The following SVEP1 variants were observed in gnomAD, a reference collection of about 807,000 sequenced individuals.
SVEP1 encodes the protein sushi, von Willebrand factor type A, EGF and pentraxin domain-containing protein 1.
A neutral mutation model predicts 367.3 loss-of-function variants in SVEP1; 164 were observed. The observed-to-expected ratio is 0.45, with a 90% CI of 0.39 to 0.51. The LOEUF (loss-of-function observed/expected upper bound fraction) is 0.51. Ranked by LOEUF, SVEP1 falls within the 20% of genes least tolerant of loss-of-function variation. The probability of loss-of-function intolerance (pLI) is 0.00; values close to 1 mark genes in which losing one functional copy is unlikely to be tolerated. For synonymous variants in SVEP1, 1,666 were observed against 1,611.6 expected, an observed-to-expected ratio of 1.03 and a Z score of -0.81; for missense variants, 4,117 against 4,425.3, an observed-to-expected ratio of 0.93 and a Z score of 1.98.
chr9:110,397,625 G>A (rs1006587094), intron 40 of SVEP1, among the ~76,000 whole-genome samples: 3 of 152,008 alleles, frequency 2.0e-5, no homozygotes, highest in African/African-American at 7.3e-5. Flanking sequence ...CTCCTTAAGT[G>A]GATAAGCAAC....
chr9:110,570,947 A>G (rs1830554481), intron 1 of SVEP1, among the ~76,000 whole-genome samples: 1 of 149,312 alleles, frequency 6.7e-6, no homozygotes, highest in Non-Finnish European at 1.5e-5. Flanking sequence ...CCCTGGTTAG[A>G]CATATACTCT....
At chr9:110,375,341 A>G in intron 46 of SVEP1, 27 bp downstream of exon 46, 1 of 1,539,334 alleles carries the variant, frequency 6.5e-7, no homozygotes, top group Non-Finnish European at 8.8e-7. Context: ...TGAGCCACCA[A>G]GAAAACAAAC....
chr9:110,505,629 G>C (rs1329251876), intron 5 of SVEP1, among the ~76,000 whole-genome samples: 1 of 151,868 alleles, frequency 6.6e-6, no homozygotes, highest in Non-Finnish European at 1.5e-5. Context: ...AAAACTTCCA[G>C]CTCCTTTGAA....
In SVEP1 at chr9:110,447,030, T is replaced by A. The variant is rs376699537; in HGVS notation, c.4131A>T (p.Gly1377=). The A allele has an allele frequency of 1.3e-6, 2 of 1,533,162 alleles. No homozygotes were observed. Among genetic ancestry groups the A allele is most frequent in the African/African-American group, 2.8e-5 (2 of 72,610 alleles). The allele number at this position is 1,533,162 out of a possible 1,614,324, so 95.0% of individuals were successfully genotyped here. ...CATTGATGTTCAATTCACAGTGTGA[T>A]CCTGTGAAGCCAGCTGCACACAGGC... The part of the protein sequence containing the change: ...FRCLCAAGFT[G]SHCELNINEC... The change falls in exon 25 of 48, where the codon GGA becomes GGT. Residue 1377 remains glycine (G), a synonymous_variant. Coordinates refer to ENST00000374469, the MANE Select transcript of SVEP1 (RefSeq NM_153366.4).
chr9:110,561,758 A>G (rs1286896789), intron 1 of SVEP1, among the ~76,000 whole-genome samples: 1 of 152,218 alleles, frequency 6.6e-6, no homozygotes, highest in Non-Finnish European at 1.5e-5. Flanking sequence ...AAAAGCATAA[A>G]CTGGAAACAG....
rs538627418 is a variant in SVEP1, at chr9:110,411,102, A to G, written c.6609T>C (p.Ser2203=). The G allele has an allele frequency of 2.9e-5, 47 of 1,606,452 alleles. 1 individual carries two copies. In the South Asian group the frequency reaches 4.2e-4, roughly 14 times the overall value. ...TCTCAACCTTAGGTGGTTCACCACA[A>G]GATACCGGGTGGCACGTCGGTATAG... ...SSPIPTCHPV[S]CGEPPKVENG... is the part of the protein sequence containing the mutation. The change falls in exon 37 of 48, where the codon TCT becomes TCC. Residue 2203 remains serine (S), a synonymous_variant. Coordinates refer to ENST00000374469, the MANE Select transcript of SVEP1 (RefSeq NM_153366.4).
chr9:110,570,336 A>C (rs1420694553), intron 1 of SVEP1, among the ~76,000 whole-genome samples: 1 of 152,190 alleles, frequency 6.6e-6, no homozygotes, highest in Non-Finnish European at 1.5e-5. Flanking sequence ...AATTAACACT[A>C]AAGTATTAAT....
chr9:110,500,527 G>A (rs1829515634), intron 6 of SVEP1, among the ~76,000 whole-genome samples: 1 of 152,064 alleles, frequency 6.6e-6, no homozygotes, highest in African/African-American at 2.4e-5. Context: ...TCTGAGACTG[G>A]TTAGCATTCA....
intron 9 of SVEP1, among the ~76,000 whole-genome samples, chr9:110,489,321 G>A (rs1288830880): frequency 2.0e-5 from 3 of 152,124 alleles, no homozygotes; most frequent in Non-Finnish European, 4.4e-5. Flanking sequence ...AGACATACCC[G>A]AGACTGAGTA....
intron 42 of SVEP1, 70 bp downstream of exon 42, chr9:110,387,215 G>A (rs137911727): frequency 0.025 from 35,993 of 1,467,142 alleles, 534 homozygotes; most frequent in Non-Finnish European, 0.029. Flanking sequence ...CTTCCTCTAT[G>A]TTTTGGATAT....
chr9:110,529,785 T>C (rs566210152), intron 3 of SVEP1, among the ~76,000 whole-genome samples: 12 of 152,222 alleles, frequency 7.9e-5, no homozygotes, highest in African/African-American at 2.9e-4. Context: ...TTTAGAGTCT[T>C]TTAGGTATAA....
Position 110,441,608 on chromosome 9 carries a change from T to C in SVEP1, c.4639+1937A>G, listed in dbSNP as rs114917220. Among the ~76,000 whole-genome samples, 1,009 of 152,352 alleles carry C rather than the reference T, an allele frequency of 6.6e-3. 12 individuals carry two copies. Among genetic ancestry groups the C allele is most frequent in the African/African-American group, 0.023 (962 of 41,574 alleles). ...GGGATCTGTCTGTATGTTTCATTCC[T>C]CTCTTCAGTGATTCTGGGGTTTAAG... On this transcript the variant is annotated intron_variant, in intron 27 of 47. Transcript: ENST00000374469.
chr9:110,510,860 A>T (rs1829700041), intron 5 of SVEP1, among the ~76,000 whole-genome samples: 1 of 152,234 alleles, frequency 6.6e-6, no homozygotes, highest in Non-Finnish European at 1.5e-5. Context: ...GCTTTCAAGG[A>T]TTCATTTTTT....
rs912725237 is a variant in SVEP1 at position 110,397,230 on chromosome 9, C to A, written c.9822+3624G>T. On this transcript the variant is annotated intron_variant, in intron 40 of 47. Coordinates refer to ENST00000374469, the MANE Select transcript of SVEP1 (RefSeq NM_153366.4). ...ATGTAATCCAGCATATAAACAGAAC[C>A]AAAGACAAAAACCACATGATTATCT... 4.6e-4 allele frequency among the ~76,000 whole-genome samples: 70 copies of A among 152,154 alleles called. 1 individual carries two copies. The highest frequency in any genetic ancestry group is 1.6e-3 in the African/African-American group (67 of 41,508).
Position 110,574,946 on chromosome 9 carries a change from C to T in SVEP1, c.531+4067G>A, listed in dbSNP as rs375666507. 1.4e-4 allele frequency among the ~76,000 whole-genome samples: 21 copies of T among 152,048 alleles called. No individual in the cohort carries two copies. The East Asian group carries it at 3.7e-3, about 27-fold the overall frequency. ...GTTTTTAGTAGAGACGGAGTTTCAC[C>T]GTGTTAGCCAGGACGGTCTAGATCT... On this transcript the variant is annotated intron_variant, in intron 1 of 47. Transcript: ENST00000374469.
chr9:110,497,850 T>C (rs911379424), intron 7 of SVEP1, among the ~76,000 whole-genome samples: 13 of 152,250 alleles, frequency 8.5e-5, no homozygotes, highest in Non-Finnish European at 1.6e-4. Context: ...GATCTCATTG[T>C]GTCTCACGTC....
chr9:110,565,262 T>C (rs78970612), intron 1 of SVEP1, among the ~76,000 whole-genome samples: 293 of 152,342 alleles, frequency 1.9e-3, no homozygotes, highest in Non-Finnish European at 3.2e-3. Context: ...CCAAGTCTTG[T>C]ACTGAGGTTC....
At chr9:110,556,198 A>G (rs1461973762) in intron 1 of SVEP1, among the ~76,000 whole-genome samples, 1 of 152,210 alleles carries the variant, frequency 6.6e-6, no homozygotes, top group Non-Finnish European at 1.5e-5. Flanking sequence ...TAGAATGACA[A>G]AAATGCAGGG....
At chr9:110,480,757 A>G (rs76437889) in intron 12 of SVEP1, among the ~76,000 whole-genome samples, 4,244 of 151,934 alleles carry the variant, frequency 0.028, 189 homozygotes, top group African/African-American at 0.097. Flanking sequence ...TTAGCCTCCT[A>G]AATAACTGGG....
Sources: gnomAD v4.1 joint callset for allele counts (sites outside exome capture counted in the v4.1 genomes callset) on GRCh38, gnomAD v4.1.1 for gene constraint, MANE v1.5 for transcripts, NCBI Gene and HGNC (gene_info 2026-07-23, HGNC 2026-07-21) for gene names.